The following DNAH6 variants were observed in gnomAD, a reference collection of about 807,000 sequenced individuals.
DNAH6 encodes the protein dynein axonemal heavy chain 6.
DNAH6 carries 340 observed loss-of-function variants against 491.4 expected under a neutral mutation model. The ratio of observed to expected loss-of-function variants is 0.69; its 90% CI spans 0.63 to 0.76. The LOEUF (loss-of-function observed/expected upper bound fraction) is 0.76, where lower values mean the gene tolerates loss of function less well. DNAH6 is among the 30% of genes least tolerant of loss of function. The pLI, the probability that DNAH6 is intolerant of heterozygous loss-of-function variation, is 0.00. For missense variants in DNAH6, 4,443 were observed against 4,972.2 expected, an observed-to-expected ratio of 0.89 and a Z score of 3.20; for synonymous variants, 1,603 against 1,686.1, an observed-to-expected ratio of 0.95 and a Z score of 1.21.
At chr2:84,753,250 A>AG (rs1403148045) in intron 63 of DNAH6, among the ~76,000 whole-genome samples, 2 of 152,118 alleles carry the variant, frequency 1.3e-5, no homozygotes, top group Non-Finnish European at 2.9e-5. Context: ...CAGTTGTAAA[A>AG]GGTTTTTTTT....
chr2:84,683,412 ATTTTTTTTTTT>A (rs61217837), intron 42 of DNAH6, among the ~76,000 whole-genome samples: 1 of 93,920 alleles, frequency 1.1e-5, no homozygotes, highest in African/African-American at 4.2e-5. Flanking sequence ...CACCACTCTT[ATTTTTTTTTTT>A]TTTTTTTTTT....
chr2:84,561,943 G>GA (rs1303177830), intron 11 of DNAH6, among the ~76,000 whole-genome samples: 1 of 152,038 alleles, frequency 6.6e-6, no homozygotes, highest in African/African-American at 2.4e-5. Context: ...AACTTTGGGG[G>GA]AAAAAAGCTG....
rs1019632410 is a variant in DNAH6, at chr2:84,670,408, A to G, written c.6387A>G (p.Gln2129=). 1.8e-5 allele frequency: 28 copies of G among 1,547,936 alleles called. No individual in the cohort carries two copies. Among genetic ancestry groups the G allele is most frequent in the Middle Eastern group, 1.7e-4 (1 of 5,970 alleles). The change falls in exon 39 of 77, where the codon CAA becomes CAG. Residue 2129 remains glutamine, a synonymous_variant. Transcript: ENST00000389394. Reference sequence around the variant, plus strand: ...CTGTTTATCTAAATTTTTCTGCTCAAACTTCATCTGCAAGGACACAAGAGA... The same window carrying G: ...CTGTTTATCTAAATTTTTCTGCTCAGACTTCATCTGCAAGGACACAAGAGA... ...YVPVYLNFSA[Q]TSSARTQEII...
intron 75 of DNAH6, among the ~76,000 whole-genome samples, chr2:84,814,323 A>G (rs951793166): frequency 6.6e-6 from 1 of 152,164 alleles, no homozygotes; most frequent in African/African-American, 2.4e-5. Flanking sequence ...TAAGTTATAG[A>G]AATATTTTTA....
chr2:84,485,664 T>C, the DNAH6 span, among the ~76,000 whole-genome samples: 48 of 152,104 alleles, frequency 3.2e-4, no homozygotes, highest in African/African-American at 1.1e-3. Flanking sequence ...ATATTGGAGA[T>C]TTACACCCTC....
intron 4 of DNAH6, among the ~76,000 whole-genome samples, chr2:84,536,684 C>G (rs1021322786): frequency 6.6e-6 from 1 of 151,958 alleles, no homozygotes; most frequent in Admixed American, 6.6e-5. Context: ...TTTCATCTGT[C>G]AGAGACAAAA....
Position 84,815,955 on chromosome 2 carries a change from C to A in DNAH6, c.12245C>A (p.Pro4082His). 6.4e-7 allele frequency: 1 copy of A among 1,551,812 alleles called. No individual in the cohort carries two copies. The highest frequency in any genetic ancestry group is 8.7e-7 in the Non-Finnish European group (1 of 1,147,044). The change falls in exon 76 of 77, where the codon CCC (proline) becomes CAC (histidine). Residue 4082 changes from proline to histidine, a missense_variant. By Grantham distance (77) the Pro-to-His change is moderately conservative. Transcript: ENST00000389394. ...GAGATGGTGATAGAAGATGCATTGC[C>A]CGGACAGATGAATCCAGTGCTGCCT... ...DKEMVIEDAL[P>H]GQMNPVLPVV... is the part of the protein sequence containing the mutation.
chr2:84,694,310 G>A lies in DNAH6; in HGVS notation c.7354G>A (p.Gly2452Arg). The stretch of plus-strand genomic sequence containing the variant: ...CCTGCTTGTTGGAGTAGGAGGCACA[G>A]GAAAGCAGTCACTCACGAGACTTGC... ...NALLVGVGGT[G>R]KQSLTRLAAH... is the part of the protein sequence containing the mutation. Residue 2452 changes from glycine (G) to arginine (R), a missense_variant, in exon 46 of 77, where the codon GGA becomes AGA. This residue lies in a region of DNAH6 where 2,977 missense variants were observed against 3,296.6 expected (regional missense o/e 0.90). Transcript: ENST00000389394. 6.4e-7 allele frequency: 1 copy of A among 1,552,296 alleles called. No homozygotes were observed. The highest frequency in any genetic ancestry group is 8.7e-7 in the Non-Finnish European group (1 of 1,147,130).
chr2:84,747,056 A>G (rs1673036632), intron 63 of DNAH6, among the ~76,000 whole-genome samples: 2 of 152,188 alleles, frequency 1.3e-5, no homozygotes, highest in South Asian at 4.2e-4. Flanking sequence ...CCTACTTTCA[A>G]TATTGGGGAT....
intron 12 of DNAH6, among the ~76,000 whole-genome samples, chr2:84,576,235 A>AT (rs2103969858): frequency 6.6e-6 from 1 of 152,318 alleles, no homozygotes; most frequent in African/African-American, 2.4e-5. Flanking sequence ...AAGGGAGGTA[A>AT]TTGCTGTTTC....
intron 63 of DNAH6, among the ~76,000 whole-genome samples, chr2:84,757,753 T>A (rs1413922082): frequency 6.6e-6 from 1 of 152,246 alleles, no homozygotes; most frequent in Non-Finnish European, 1.5e-5. Flanking sequence ...ATACAACCCT[T>A]GGGCTGGCAT....
In DNAH6 at chr2:84,699,686, G is replaced by C; in HGVS notation, c.7770G>C (p.Arg2590Ser). Residue 2590 changes from arginine to serine, a missense_variant, in exon 48 of 77, where the codon AGG (arginine) becomes AGC (serine). Physicochemically the swap from Arg to Ser is moderately radical, Grantham distance 110. Transcript: ENST00000389394. ...PVGEAFRSRC[R>S]MFPSLVNCCT... ...GGGAGGCCTTTCGGTCCCGATGCAG[G>C]ATGTTTCCATCCCTTGTGAATTGCT... is the stretch of plus-strand genomic sequence containing the variant. 1 of 1,551,740 alleles carries C rather than the reference G, an allele frequency of 6.4e-7. No individual in the cohort carries two copies. Among genetic ancestry groups the C allele is most frequent in the Non-Finnish European group, 8.7e-7 (1 of 1,146,994 alleles).
intron 63 of DNAH6, among the ~76,000 whole-genome samples, chr2:84,749,439 C>A (rs1334577282): frequency 6.6e-6 from 1 of 152,104 alleles, no homozygotes; most frequent in African/African-American, 2.4e-5. Flanking sequence ...CAAAATTGAG[C>A]TTAAAATTTC....
At chr2:84,489,510 C>T in the DNAH6 span, among the ~76,000 whole-genome samples, 1 of 152,118 alleles carries the variant, frequency 6.6e-6, no homozygotes, top group Non-Finnish European at 1.5e-5. Flanking sequence ...CCAAGGCCTT[C>T]CAAAGGCCCC....
chr2:84,807,006 A>G (rs1182289907), intron 71 of DNAH6, among the ~76,000 whole-genome samples: 1 of 152,210 alleles, frequency 6.6e-6, no homozygotes, highest in Admixed American at 6.5e-5. Flanking sequence ...GAGACCATGC[A>G]CTTGTTTGGT....
chr2:84,564,002 T>G (rs1680921340), intron 11 of DNAH6, among the ~76,000 whole-genome samples: 1 of 152,166 alleles, frequency 6.6e-6, no homozygotes, highest in Non-Finnish European at 1.5e-5. Flanking sequence ...GATTAGATGG[T>G]TGTGGGTGTG....
At chr2:84,493,623 G>A in the DNAH6 span, among the ~76,000 whole-genome samples, 10 of 152,062 alleles carry the variant, frequency 6.6e-5, no homozygotes, top group Admixed American at 1.3e-4. Flanking sequence ...AGCAAAAATC[G>A]TTGGCTGAGC....
chr2:84,763,343 G>A (rs1242624563), intron 64 of DNAH6, among the ~76,000 whole-genome samples: 1 of 151,600 alleles, frequency 6.6e-6, no homozygotes, highest in Non-Finnish European at 1.5e-5. Flanking sequence ...TCACTCTTCT[G>A]GGTAATAGGG....
At chr2:84,477,439 A>G in the DNAH6 span, among the ~76,000 whole-genome samples, 459 of 152,226 alleles carry the variant, frequency 3.0e-3, 1 homozygote, top group African/African-American at 0.01. Context: ...ACTATTTAAG[A>G]TGGCGTTTCT....
Sources: gnomAD v4.1 joint callset for allele counts (sites outside exome capture counted in the v4.1 genomes callset) on GRCh38, gnomAD v4.1.1 for gene constraint, gnomAD v4.1.1 regional missense constraint, MANE v1.5 for transcripts, NCBI Gene and HGNC (gene_info 2026-07-23, HGNC 2026-07-21) for gene names.